Variants in COL5A2 observed in about 807,000 individuals in gnomAD.
The protein encoded by COL5A2 is collagen alpha-2(V) chain.
COL5A2 carries 23 observed loss-of-function variants against 208.2 expected under a neutral mutation model. The ratio of observed to expected loss-of-function variants is 0.11; its 90% CI spans 0.08 to 0.16. The LOEUF (loss-of-function observed/expected upper bound fraction) is 0.16. Ranked by LOEUF, COL5A2 falls within the 10% of genes least tolerant of loss-of-function variation. The pLI is 1.00. For synonymous variants in COL5A2, 625 were observed against 628.5 expected, an observed-to-expected ratio of 0.99 and a Z score of 0.08; for missense variants, 1,590 against 1,956.4, an observed-to-expected ratio of 0.81 and a Z score of 3.53.
chr2:189,410,306 T>C, the COL5A2 span, among the ~76,000 whole-genome samples: 1 of 152,168 alleles, frequency 6.6e-6, no homozygotes. Flanking sequence ...AGACAACTTA[T>C]GCCATGTAAT....
intron 1 of COL5A2, among the ~76,000 whole-genome samples, chr2:189,191,301 T>C (rs1559142171): frequency 6.6e-6 from 1 of 151,950 alleles, no homozygotes; most frequent in East Asian, 1.9e-4. Context: ...GCATGTTGAA[T>C]TTACAGTAAA....
chr2:189,335,933 T>C, the COL5A2 span, among the ~76,000 whole-genome samples: 1 of 152,050 alleles, frequency 6.6e-6, no homozygotes, highest in Non-Finnish European at 1.5e-5. Flanking sequence ...TCAATTTTTC[T>C]AAAAAGGAAA....
chr2:189,036,663 CAGG>C lies in COL5A2; in HGVS notation c.4063_4065del (p.Pro1355del). The C allele has an allele frequency of 6.2e-7, 1 of 1,613,788 alleles. No homozygotes were observed. The highest frequency in any genetic ancestry group is 8.5e-7 in the Non-Finnish European group (1 of 1,179,748). ...AGACCATACCAAACAGGTTTATTGT[CAGG>C]AGATTTACTGGCCCACCAGGTTTTA... On this transcript the variant is annotated inframe_deletion, in exon 52 of 54. Coordinates refer to ENST00000374866, the MANE Select transcript of COL5A2 (RefSeq NM_000393.5).
chr2:189,132,782 G>A (rs536767875), intron 1 of COL5A2, among the ~76,000 whole-genome samples: 1 of 151,996 alleles, frequency 6.6e-6, no homozygotes, highest in South Asian at 2.1e-4. Context: ...TTATCTGGGT[G>A]TGGTAGTGCA....
At chr2:189,104,506 C>T (rs1206594367) in intron 2 of COL5A2, among the ~76,000 whole-genome samples, 1 of 151,894 alleles carries the variant, frequency 6.6e-6, no homozygotes, top group Admixed American at 6.6e-5. Context: ...TTCTTCACAA[C>T]ATTTATATGA....
intron 45 of COL5A2, among the ~76,000 whole-genome samples, chr2:189,046,548 C>T (rs1273338668): frequency 6.6e-6 from 1 of 152,082 alleles, no homozygotes; most frequent in East Asian, 1.9e-4. Flanking sequence ...AATAAAGAGG[C>T]TCCTTTTTAT....
Position 189,097,349 on chromosome 2 carries a change from AT to A in COL5A2, c.403-20del. On this transcript the variant is annotated intron_variant, in intron 5 of 53. Transcript: ENST00000374866. The stretch of plus-strand genomic sequence containing the variant: ...GAGGTCCCTAAAACAGAAAATGATG[AT>A]TATGCATGCAAAAATGTATACTTTC... The A allele has an allele frequency of 1.2e-6, 2 of 1,613,364 alleles. No homozygotes were observed. Among genetic ancestry groups the A allele is most frequent in the Non-Finnish European group, 1.7e-6 (2 of 1,179,330 alleles).
chr2:189,135,385 G>A (rs1687808255), intron 1 of COL5A2, among the ~76,000 whole-genome samples: 1 of 152,066 alleles, frequency 6.6e-6, no homozygotes, highest in Non-Finnish European at 1.5e-5. Context: ...GTAACACATG[G>A]GCTTTGAACG....
chr2:189,384,743 G>T, the COL5A2 span, among the ~76,000 whole-genome samples: 1 of 152,020 alleles, frequency 6.6e-6, no homozygotes, highest in Non-Finnish European at 1.5e-5. Context: ...GAGTATCCTT[G>T]TAGCTTGATG....
chr2:189,291,763 T>A, the COL5A2 span, among the ~76,000 whole-genome samples: 16 of 151,984 alleles, frequency 1.1e-4, no homozygotes, highest in African/African-American at 3.9e-4. Flanking sequence ...CTGAAAATTT[T>A]TCTGCTATTT....
the COL5A2 span, among the ~76,000 whole-genome samples, chr2:189,295,630 A>C: frequency 6.6e-6 from 1 of 152,168 alleles, no homozygotes; most frequent in South Asian, 2.1e-4. Context: ...AAAGATTCCC[A>C]GAGGTCCTGA....
chr2:189,411,229 T>C, the COL5A2 span, among the ~76,000 whole-genome samples: 1 of 152,154 alleles, frequency 6.6e-6, no homozygotes, highest in Non-Finnish European at 1.5e-5. Flanking sequence ...TTCTCAGAAA[T>C]ATAGATTGGC....
the COL5A2 span, among the ~76,000 whole-genome samples, chr2:189,420,097 A>C: frequency 6.8e-6 from 1 of 147,202 alleles, no homozygotes; most frequent in Non-Finnish European, 1.5e-5. Context: ...GGAAGGAAGG[A>C]AGGAAGGAAG....
the COL5A2 span, among the ~76,000 whole-genome samples, chr2:189,425,642 C>T: frequency 6.6e-6 from 1 of 152,100 alleles, no homozygotes; most frequent in African/African-American, 2.4e-5. Context: ...CTGTCCCCAC[C>T]CCAATCTTAT....
chr2:189,175,654 G>A (rs1688664181), intron 1 of COL5A2, among the ~76,000 whole-genome samples: 1 of 149,454 alleles, frequency 6.7e-6, no homozygotes, highest in East Asian at 2.0e-4. Context: ...AGCAACTCTC[G>A]TGCCTCAGTC....
intron 51 of COL5A2, among the ~76,000 whole-genome samples, chr2:189,037,443 G>A (rs1685467099): frequency 6.6e-6 from 1 of 152,064 alleles, no homozygotes. Context: ...TGTGAGAATT[G>A]CATTTTAAAT....
intron 6 of COL5A2, among the ~76,000 whole-genome samples, chr2:189,093,512 A>G (rs565587263): frequency 3.9e-5 from 6 of 152,214 alleles, no homozygotes; most frequent in African/African-American, 1.4e-4. Context: ...TTTGTATATG[A>G]TGGTTTTGGG....
intron 1 of COL5A2, among the ~76,000 whole-genome samples, chr2:189,220,920 T>G: frequency 6.6e-6 from 1 of 152,158 alleles, no homozygotes; most frequent in Admixed American, 6.5e-5. Flanking sequence ...ATCTCTTCCC[T>G]CTAAAATATA....
In COL5A2 at chr2:189,179,619, CAT is replaced by C. The variant is rs375304093; in HGVS notation, c.-17_-16del. ...TTTGCCATCATGTCTAAATATTAGA[CAT>C]GTGGGTTCTCCTGAGAGTGAAAAGT... On this transcript the variant is annotated 5_prime_UTR_variant, in exon 1 of 54. The change abolishes an upstream ATG in the 5' untranslated region. Transcript: ENST00000374866. 6 of 1,593,940 alleles carry C rather than the reference CAT, an allele frequency of 3.8e-6. No individual in the cohort carries two copies. Among genetic ancestry groups the C allele is most frequent in the African/African-American group, 2.7e-5 (2 of 74,622 alleles).
Sources: allele counts gnomAD v4.1 joint callset (sites outside exome capture counted in the v4.1 genomes callset), GRCh38; gene constraint gnomAD v4.1.1; transcripts MANE v1.5; gene names NCBI Gene and HGNC (gene_info 2026-07-23, HGNC 2026-07-21).